Variants in TANC1 observed in about 807,000 individuals in gnomAD.
TANC1 encodes protein TANC1.
In TANC1, 77 loss-of-function variants were observed where a neutral mutation model predicts 149.7. The observed-to-expected ratio is 0.51, with a 90% CI of 0.43 to 0.62. TANC1 has a LOEUF of 0.62. Among genes scored for constraint, TANC1 ranks in the 20% least tolerant of loss-of-function variants. The pLI is 0.00. For missense variants in TANC1, 1,985 were observed against 2,321.8 expected (o/e 0.85, Z 2.98); for synonymous variants, 854 against 925.0 (o/e 0.92, Z 1.39).
intron 20 of TANC1, 68 bp downstream of exon 20, chr2:159,217,698 C>T: frequency 6.4e-7 from 1 of 1,574,512 alleles, no homozygotes; most frequent in Non-Finnish European, 8.7e-7. Context: ...TGCCTGGCTC[C>T]CCTGAGAACA....
chr2:159,055,522 G>T (rs1186019103), intron 2 of TANC1, among the ~76,000 whole-genome samples: 6 of 152,198 alleles, frequency 3.9e-5, no homozygotes. Flanking sequence ...TCACAGATTT[G>T]CCTTTACTAA....
In TANC1 at chr2:159,199,034, C is replaced by T. The variant is rs1203712640; in HGVS notation, c.3225C>T (p.Asp1075=). The part of the protein sequence containing the change: ...KEHEVEVNGT[D]TLWGETALTA... ...ATGAAGTAGAAGTCAATGGCACCGA[C>T]ACATTGTGGGGAGAAACAGGTAATT... is the stretch of plus-strand genomic sequence containing the variant. Residue 1075 remains aspartate (D), a synonymous_variant, in exon 19 of 27, where the codon GAC becomes GAT. Coordinates refer to ENST00000263635, the MANE Select transcript of TANC1 (RefSeq NM_033394.3). 4 of 1,613,798 alleles carry T rather than the reference C, an allele frequency of 2.5e-6. No homozygotes were observed. Among genetic ancestry groups the T allele is most frequent in the Non-Finnish European group, 3.4e-6 (4 of 1,179,836 alleles).
chr2:159,112,502 C>T (rs264585), intron 4 of TANC1, among the ~76,000 whole-genome samples: 22,140 of 151,494 alleles, frequency 0.15, 2,619 homozygotes, highest in East Asian at 0.59. Context: ...GTGATCTGCA[C>T]GCCTCGGCCT....
rs147105743 is a variant in TANC1, at chr2:159,130,044, G to A, written c.260-6150G>A. Among the ~76,000 whole-genome samples, 893 of 152,324 alleles carry A rather than the reference G, an allele frequency of 5.9e-3. 6 individuals carry two copies. The highest frequency in any genetic ancestry group is 0.028 in the South Asian group (133 of 4,830). On this transcript the variant is annotated intron_variant, in intron 4 of 26. Transcript: ENST00000263635. Reference sequence around the variant, plus strand: ...CGGCAGCAGGATACCAGTACCGGGGGCGGCGGGGGACTGGGAGCCCAGCCC... The same window carrying A: ...CGGCAGCAGGATACCAGTACCGGGGACGGCGGGGGACTGGGAGCCCAGCCC...
chr2:159,133,915 C>A (rs1421103269), intron 4 of TANC1, among the ~76,000 whole-genome samples: 1 of 152,212 alleles, frequency 6.6e-6, no homozygotes, highest in Non-Finnish European at 1.5e-5. Context: ...ATGTAGTACA[C>A]CCATGTAGCT....
intron 4 of TANC1, among the ~76,000 whole-genome samples, chr2:159,100,536 A>G (rs2046576119): frequency 1.3e-5 from 2 of 152,210 alleles, no homozygotes; most frequent in South Asian, 4.1e-4. Context: ...TGAAACATAC[A>G]AGCTTCTGGT....
intron 2 of TANC1, chr2:159,004,195 C>T: frequency 1.2e-6 from 2 of 1,612,500 alleles, no homozygotes; most frequent in Non-Finnish European, 1.7e-6. Flanking sequence ...AGGAAGTTAG[C>T]TGAACAGTTC....
chr2:159,214,040 C>A (rs1165146971), intron 19 of TANC1, among the ~76,000 whole-genome samples: 1 of 150,462 alleles, frequency 6.6e-6, no homozygotes, highest in Non-Finnish European at 1.5e-5. Flanking sequence ...GCAGGAGAAT[C>A]CCTGAACCTG....
At chr2:159,025,724 G>A (rs1375783675) in intron 2 of TANC1, among the ~76,000 whole-genome samples, 1 of 152,012 alleles carries the variant, frequency 6.6e-6, no homozygotes, top group African/African-American at 2.4e-5. Context: ...TCTTTGAAAT[G>A]GTATACAATT....
At chr2:159,068,188 G>T (rs899347978) in intron 3 of TANC1, among the ~76,000 whole-genome samples, 14 of 152,146 alleles carry the variant, frequency 9.2e-5, no homozygotes, top group Non-Finnish European at 2.1e-4. Context: ...GGAAATACTT[G>T]GAATTTGACC....
At position 159,178,850 on chromosome 2, in the gene TANC1, C is replaced by G. The variant is rs1045994069; in HGVS notation, c.2197C>G (p.Leu733Val). 1.9e-6 allele frequency: 3 copies of G among 1,614,094 alleles called. No individual in the cohort carries two copies. The African/African-American group carries it at 4.0e-5, about 22-fold the overall frequency. Residue 733 changes from leucine (L) to valine (V), a missense_variant, in exon 14 of 27, where the codon CTC becomes GTC. By Grantham distance (32) the Leu-to-Val change is conservative. Around this residue, in one of 3 missense-constraint regions of TANC1, gnomAD observed 508 missense variants for 714.2 expected, o/e 0.71. Transcript: ENST00000263635. ...CAGCTACAAGGTGGTGCCCGTGTCT[C>G]TCTCTGAGCTCTATTTGCTTCAGTG... ...SASYKVVPVS[L>V]SELYLLQCNM...
intron 5 of TANC1, chr2:159,148,937 GT>G: frequency 2.0e-6 from 1 of 504,920 alleles, no homozygotes; most frequent in East Asian, 3.3e-5. Flanking sequence ...TGCACTTGGA[GT>G]TTTTGTTTTA....
chr2:158,986,979 A>G (rs1573971330), intron 1 of TANC1, among the ~76,000 whole-genome samples: 2 of 151,610 alleles, frequency 1.3e-5, no homozygotes, highest in East Asian at 1.9e-4. Context: ...TGGGACGTGG[A>G]GAGTGAGGAG....
chr2:159,057,411 C>T (rs1204292665), intron 2 of TANC1, among the ~76,000 whole-genome samples: 2 of 152,226 alleles, frequency 1.3e-5, no homozygotes, highest in African/African-American at 4.8e-5. Context: ...TGTTGTTTGG[C>T]ACAGGGTAGC....
At chr2:159,182,929 T>C (rs1252481499) in intron 14 of TANC1, among the ~76,000 whole-genome samples, 3 of 152,234 alleles carry the variant, frequency 2.0e-5, no homozygotes, top group Non-Finnish European at 4.4e-5. Context: ...AGAACAAGGC[T>C]GTTGCAGACA....
Position 159,170,916 on chromosome 2 carries a change from A to G in TANC1, c.1351+111A>G, listed in dbSNP as rs1030713417. ...TTTTCCTCAAGTTGTTGCAGCTACT[A>G]TATCAGGTTTGCCATCATGTGTGAA... On this transcript the variant is annotated intron_variant, in intron 10 of 26. Transcript: ENST00000263635. The G allele has an allele frequency of 3.7e-5, 45 of 1,215,234 alleles. No individual in the cohort carries two copies. The African/African-American group carries it at 3.9e-4, about 11-fold the overall frequency. The allele number at this position is 1,215,234 out of a possible 1,614,324, so 75.3% of individuals were successfully genotyped here.
At chr2:159,170,187 C>G (rs1358226757) in intron 9 of TANC1, among the ~76,000 whole-genome samples, 1 of 152,130 alleles carries the variant, frequency 6.6e-6, no homozygotes, top group African/African-American at 2.4e-5. Context: ...AAATGCAGTT[C>G]CAGATGAACC....
chr2:159,159,918 G>A (rs2053873167), intron 7 of TANC1, among the ~76,000 whole-genome samples: 1 of 152,084 alleles, frequency 6.6e-6, no homozygotes, highest in Non-Finnish European at 1.5e-5. Flanking sequence ...CTACTTGGGA[G>A]GCTGATGCAG....
intron 2 of TANC1, among the ~76,000 whole-genome samples, chr2:159,016,541 A>G: frequency 6.8e-6 from 1 of 146,304 alleles, no homozygotes; most frequent in East Asian, 2.0e-4. Context: ...TTTAATAAGT[A>G]TTTTTTTTTA....
Sources: gnomAD v4.1 joint callset for allele counts (sites outside exome capture counted in the v4.1 genomes callset) on GRCh38, gnomAD v4.1.1 for gene constraint, gnomAD v4.1.1 regional missense constraint, MANE v1.5 for transcripts, NCBI Gene and HGNC (gene_info 2026-07-23, HGNC 2026-07-21) for gene names.